The following CSRP3 variants were observed in gnomAD, a reference collection of about 807,000 sequenced individuals.
CSRP3 encodes the protein cysteine and glycine-rich protein 3.
In CSRP3, 24 loss-of-function variants were observed where a neutral mutation model predicts 24.3. The ratio of observed to expected loss-of-function variants is 0.99; its 90% CI spans 0.71 to 1.39. The LOEUF (loss-of-function observed/expected upper bound fraction) is 1.39, where lower values mean the gene tolerates loss of function less well. Ranked by LOEUF, CSRP3 falls within the 40% of genes most tolerant of loss-of-function variation. The pLI is 0.00. For synonymous variants in CSRP3, 105 were observed against 94.0 expected (o/e 1.12, Z -0.68); for missense variants, 240 against 249.0 (o/e 0.96, Z 0.24).
intron 2 of CSRP3, 124 bp downstream of exon 2, chr11:19,192,213 G>T: frequency 1.3e-6 from 1 of 740,760 alleles, no homozygotes; most frequent in Non-Finnish European, 2.4e-6. Context: ...CCCAGGTAAT[G>T]CTGATGCTGC....
At chr11:19,189,583 T>C (rs944307439) in intron 2 of CSRP3, among the ~76,000 whole-genome samples, 6 of 152,258 alleles carry the variant, frequency 3.9e-5, no homozygotes, top group Non-Finnish European at 7.3e-5. Flanking sequence ...ATATGCCTTC[T>C]TCAAATGATA....
At chr11:19,198,829 T>C (rs930098581) in intron 1 of CSRP3, among the ~76,000 whole-genome samples, 1 of 152,200 alleles carries the variant, frequency 6.6e-6, no homozygotes, top group Non-Finnish European at 1.5e-5. Flanking sequence ...CATGTCCTCA[T>C]GTAAAGACAA....
intron 2 of CSRP3, among the ~76,000 whole-genome samples, chr11:19,191,130 T>A (rs968789072): frequency 1.3e-5 from 2 of 152,204 alleles, no homozygotes; most frequent in Non-Finnish European, 2.9e-5. Context: ...CTTTGTTTTA[T>A]AAGTGGAGAA....
At chr11:19,193,175 T>C (rs1439634103) in intron 1 of CSRP3, among the ~76,000 whole-genome samples, 1 of 152,222 alleles carries the variant, frequency 6.6e-6, no homozygotes, top group African/African-American at 2.4e-5. Flanking sequence ...AGGTCAGTAG[T>C]TGGAAACTTG....
chr11:19,190,349 G>C (rs1220182434), intron 2 of CSRP3, among the ~76,000 whole-genome samples: 1 of 152,228 alleles, frequency 6.6e-6, no homozygotes, highest in East Asian at 1.9e-4. Flanking sequence ...CACATGCTGT[G>C]CTGTAAGCAC....
At chr11:19,197,679 G>A (rs1479450754) in intron 1 of CSRP3, among the ~76,000 whole-genome samples, 1 of 151,402 alleles carries the variant, frequency 6.6e-6, no homozygotes, top group Non-Finnish European at 1.5e-5. Flanking sequence ...ATGACTTTGG[G>A]CAGAGACCTC....
intron 3 of CSRP3, among the ~76,000 whole-genome samples, chr11:19,186,857 T>C (rs1850534741): frequency 6.6e-6 from 1 of 152,256 alleles, no homozygotes; most frequent in Non-Finnish European, 1.5e-5. Flanking sequence ...GCTGTCGTCC[T>C]GCCTCCAAGG....
intron 1 of CSRP3, among the ~76,000 whole-genome samples, chr11:19,200,758 A>C (rs1850824799): frequency 6.6e-6 from 1 of 152,202 alleles, no homozygotes; most frequent in African/African-American, 2.4e-5. Context: ...GCAGTTCTAC[A>C]TGCATTGTGA....
intron 2 of CSRP3, among the ~76,000 whole-genome samples, chr11:19,191,404 C>T (rs536674266): frequency 2.6e-5 from 4 of 152,182 alleles, no homozygotes; most frequent in East Asian, 1.9e-4. Context: ...GGGGACTAGT[C>T]GGGGAGGGGG....
chr11:19,191,037 A>G (rs999615501), intron 2 of CSRP3, among the ~76,000 whole-genome samples: 3 of 152,188 alleles, frequency 2.0e-5, no homozygotes, highest in African/African-American at 7.2e-5. Flanking sequence ...ATCAAAGGAG[A>G]ATACAGGCCT....
At chr11:19,191,995 G>C (rs1399617013) in intron 2 of CSRP3, among the ~76,000 whole-genome samples, 8 of 152,148 alleles carry the variant, frequency 5.3e-5, no homozygotes, top group African/African-American at 1.9e-4. Context: ...ATAAGTGCTG[G>C]CTTCCTTTCT....
chr11:19,184,943 A>G lies in CSRP3; in HGVS notation c.508+9T>C, dbSNP rs727504517. ...AACATATTTCAAGAAAGTCTCCAGA[A>G]TCACTCACCTTTGCAATAAAGTTCC... On this transcript the variant is annotated intron_variant, in intron 5 of 5. Coordinates refer to ENST00000265968, the MANE Select transcript of CSRP3 (RefSeq NM_003476.5). The G allele has an allele frequency of 4.4e-5, 71 of 1,599,022 alleles. No homozygotes were observed. In the South Asian group the frequency reaches 7.4e-4, roughly 17 times the overall value.
At chr11:19,188,409 C>T in intron 2 of CSRP3, 105 bp from the exon 3 acceptor site, 1 of 1,177,782 alleles carries the variant, frequency 8.5e-7, no homozygotes, top group Non-Finnish European at 1.2e-6. Flanking sequence ...TGAGGGGCCC[C>T]TGAGCCAAGA....
chr11:19,188,613 A>AGT (rs138192808), intron 2 of CSRP3, among the ~76,000 whole-genome samples: 45,361 of 140,720 alleles, frequency 0.32, 7,086 homozygotes, highest in Non-Finnish European at 0.39. Flanking sequence ...ACATCAGGGA[A>AGT]GTGTGTGTGT....
chr11:19,196,707 G>A (rs7102081), intron 1 of CSRP3: 18,562 of 152,132 alleles, frequency 0.12, 2,388 homozygotes, highest in African/African-American at 0.33. Flanking sequence ...CCCGTCACTC[G>A]GCCCTGTTTG....
chr11:19,188,648 G>GTC (rs1396449012), intron 2 of CSRP3, among the ~76,000 whole-genome samples: 1 of 150,514 alleles, frequency 6.6e-6, no homozygotes, highest in Non-Finnish European at 1.5e-5. Flanking sequence ...GTGTGTGTGT[G>GTC]TGTTTGTGGG....
chr11:19,187,401 T>C (rs1468856335), intron 3 of CSRP3, among the ~76,000 whole-genome samples: 1 of 152,232 alleles, frequency 6.6e-6, no homozygotes, highest in African/African-American at 2.4e-5. Flanking sequence ...TGGGCCTTTC[T>C]GGCCAGTCGC....
chr11:19,187,977 A>G (rs1850553892), intron 3 of CSRP3, among the ~76,000 whole-genome samples, 159 bp downstream of exon 3: 2 of 152,240 alleles, frequency 1.3e-5, no homozygotes, highest in Admixed American at 6.5e-5. Flanking sequence ...GAGAGATGAC[A>G]CATTGTTCAA....
At chr11:19,200,566 G>A (rs762487569) in intron 1 of CSRP3, among the ~76,000 whole-genome samples, 1 of 152,056 alleles carries the variant, frequency 6.6e-6, no homozygotes, top group Non-Finnish European at 1.5e-5. Context: ...TGGATGACAC[G>A]TGTGTCTGGG....
Sources: allele counts gnomAD v4.1 joint callset (sites outside exome capture counted in the v4.1 genomes callset), GRCh38; gene constraint gnomAD v4.1.1; transcripts MANE v1.5; gene names NCBI Gene and HGNC (gene_info 2026-07-23, HGNC 2026-07-21).